The following TTLL11 variants were observed in gnomAD, a reference collection of about 807,000 sequenced individuals.
TTLL11 encodes the protein tubulin polyglutamylase TTLL11.
Under a neutral mutation model 51.7 loss-of-function variants are expected in TTLL11, and 42 were observed. The ratio of observed to expected loss-of-function variants is 0.81; its 90% CI spans 0.64 to 1.05. The LOEUF (loss-of-function observed/expected upper bound fraction) is 1.05. TTLL11 is among the 50% of genes least tolerant of loss of function. The pLI is 0.00. For missense variants in TTLL11, 799 were observed against 940.4 expected (o/e 0.85, Z 1.97); for synonymous variants, 381 against 383.5 (o/e 0.99, Z 0.08).
chr9:121,996,338 C>G (rs4837933), intron 3 of TTLL11, among the ~76,000 whole-genome samples: 16,759 of 152,200 alleles, frequency 0.11, 1,372 homozygotes, highest in African/African-American at 0.22. Context: ...CCTCTGAGAA[C>G]TGGCCTGCAA....
intron 6 of TTLL11, among the ~76,000 whole-genome samples, chr9:121,894,935 G>T (rs12004572): frequency 0.018 from 2,792 of 152,106 alleles, 81 homozygotes; most frequent in African/African-American, 0.061. Flanking sequence ...GACCCTCAAG[G>T]TCCAATCCCT....
At chr9:121,824,162 A>T (rs1030361115) in intron 8 of TTLL11, among the ~76,000 whole-genome samples, 1 of 152,158 alleles carries the variant, frequency 6.6e-6, no homozygotes, top group Non-Finnish European at 1.5e-5. Context: ...GGTAAATATT[A>T]TTATGCCCCA....
At chr9:121,972,546 G>A (rs1842605038) in intron 6 of TTLL11, among the ~76,000 whole-genome samples, 1 of 152,252 alleles carries the variant, frequency 6.6e-6, no homozygotes, top group Admixed American at 6.5e-5. Context: ...TGCCAACAAT[G>A]GCAATCTGTG....
intron 8 of TTLL11, among the ~76,000 whole-genome samples, chr9:121,846,656 G>T (rs1407030065): frequency 6.6e-6 from 1 of 152,068 alleles, no homozygotes; most frequent in Non-Finnish European, 1.5e-5. Flanking sequence ...CCAGATATTT[G>T]GAGAATAAGT....
chr9:121,917,621 G>C (rs1020986984), intron 6 of TTLL11, among the ~76,000 whole-genome samples: 60 of 142,186 alleles, frequency 4.2e-4, no homozygotes, highest in Non-Finnish European at 7.6e-4. Context: ...GGGAGGGAAG[G>C]GGAGGGAAGG....
chr9:121,988,938 A>T, intron 4 of TTLL11: 1 of 742,552 alleles, frequency 1.3e-6, no homozygotes. Flanking sequence ...TTTAATTCTT[A>T]CAAGAACCTT....
chr9:121,897,644 G>GCA (rs1564294397), intron 6 of TTLL11, among the ~76,000 whole-genome samples: 1 of 51,720 alleles, frequency 1.9e-5, no homozygotes, highest in Admixed American at 2.2e-4. Context: ...ACACACACGC[G>GCA]CGCGCGAAGT....
intron 3 of TTLL11, among the ~76,000 whole-genome samples, chr9:122,002,954 A>AAC (rs1398789093): frequency 6.7e-6 from 1 of 149,892 alleles, no homozygotes; most frequent in Non-Finnish European, 1.5e-5. Context: ...CAAAAAAAAA[A>AAC]AAAAAAAAAA....
At chr9:121,908,526 A>G (rs1840016060) in intron 6 of TTLL11, among the ~76,000 whole-genome samples, 3 of 152,358 alleles carry the variant, frequency 2.0e-5, no homozygotes, top group South Asian at 4.1e-4. Context: ...ACAGAAAACC[A>G]TCTCCCATTT....
intron 3 of TTLL11, among the ~76,000 whole-genome samples, chr9:122,026,657 A>G (rs1317601878): frequency 6.6e-6 from 1 of 152,146 alleles, no homozygotes; most frequent in Admixed American, 6.5e-5. Flanking sequence ...TAAGACAACT[A>G]GGCTCTCTGC....
At chr9:122,003,483 C>CTT (rs398012131) in intron 3 of TTLL11, among the ~76,000 whole-genome samples, 1,265 of 116,426 alleles carry the variant, frequency 0.011, 41 homozygotes, top group African/African-American at 0.039. Context: ...GCATACGTTC[C>CTT]TTTTTTTTTT....
At chr9:121,826,223 C>CACAT (rs1382049021) in intron 8 of TTLL11, among the ~76,000 whole-genome samples, 8 of 35,536 alleles carry the variant, frequency 2.3e-4, no homozygotes, top group African/African-American at 3.7e-4. Flanking sequence ...TATATGCACA[C>CACAT]ATATATATAT....
intron 6 of TTLL11, among the ~76,000 whole-genome samples, chr9:121,973,437 T>A (rs543664348): frequency 6.6e-6 from 1 of 152,310 alleles, no homozygotes; most frequent in Admixed American, 6.5e-5. Flanking sequence ...AGAGAAGCAC[T>A]ATGTGTGCAA....
intron 6 of TTLL11, among the ~76,000 whole-genome samples, chr9:121,921,428 C>T (rs145048284): frequency 2.8e-4 from 42 of 152,206 alleles, no homozygotes; most frequent in Middle Eastern, 6.8e-3. Flanking sequence ...GCCCAACTCC[C>T]GAGAATCATG....
At chr9:121,861,137 G>A in intron 7 of TTLL11, among the ~76,000 whole-genome samples, 1 of 150,956 alleles carries the variant, frequency 6.6e-6, no homozygotes, top group East Asian at 1.9e-4. Context: ...ATCCAGGCTG[G>A]AGTGCAGTAT....
chr9:122,080,962 A>G (rs1276210659), intron 1 of TTLL11, among the ~76,000 whole-genome samples: 3 of 152,246 alleles, frequency 2.0e-5, no homozygotes, highest in African/African-American at 7.2e-5. Flanking sequence ...AAAAATATAT[A>G]TGCCCAGAAG....
At chr9:121,826,183 C>CATATATATAT (rs1564259884) in intron 8 of TTLL11, among the ~76,000 whole-genome samples, 25 of 3,948 alleles carry the variant, frequency 6.3e-3, no homozygotes, top group South Asian at 0.03. Flanking sequence ...TAACCAGTAA[C>CATATATATAT]CTATATATAT....
chr9:122,040,696 CTT>C lies in TTLL11; in HGVS notation c.463-1330_463-1329del, dbSNP rs544238784. ...CTAATGAAATGGTGGTGACTCAATGCTTTCCATACATTCCACATTAAAATGAA... is the reference window on the plus strand; with the variant it reads ...CTAATGAAATGGTGGTGACTCAATGCTCCATACATTCCACATTAAAATGAA... On this transcript the variant is annotated intron_variant, in intron 1 of 8. Coordinates refer to ENST00000321582, the MANE Select transcript of TTLL11 (RefSeq NM_001139442.2). 1.3e-3 allele frequency among the ~76,000 whole-genome samples: 194 copies of C among 152,316 alleles called. 1 individual carries two copies. Among genetic ancestry groups the C allele is most frequent in the African/African-American group, 4.1e-3 (172 of 41,578 alleles).
Position 121,822,422 on chromosome 9 carries a change from C to T in TTLL11, c.*165G>A, listed in dbSNP as rs1836605661. ...AGGAGGAAGGCAGGTGAGAACCAGC[C>T]AGCCTGGTGAAGCACAGCTCAGCCG... On this transcript the variant is annotated 3_prime_UTR_variant, in exon 9 of 9. Coordinates refer to ENST00000321582, the MANE Select transcript of TTLL11 (RefSeq NM_001139442.2). This position sits in a 1 kb window ranked among gnomAD's most constrained non-coding sequence, Gnocchi z 5.8. 1.7e-6 allele frequency: 1 copy of T among 583,146 alleles called. No homozygotes were observed. The highest frequency in any genetic ancestry group is 4.8e-4 in the Middle Eastern group (1 of 2,070). 36.1% of individuals were successfully genotyped at this position (583,146 alleles called of 1,614,324 possible). A position where few individuals can be genotyped will look rare whatever the true frequency, so the allele number is the denominator to read the frequency against.
Sources: gnomAD v4.1 joint callset for allele counts (sites outside exome capture counted in the v4.1 genomes callset) on GRCh38, gnomAD v4.1.1 for gene constraint, Gnocchi (gnomAD v3.1) non-coding constraint, MANE v1.5 for transcripts, NCBI Gene and HGNC (gene_info 2026-07-23, HGNC 2026-07-21) for gene names.